SHROOM3: variants seen among roughly 807,000 people sequenced by gnomAD.
SHROOM3 encodes the protein shroom family member 3.
A neutral mutation model predicts 138.6 loss-of-function variants in SHROOM3; 47 were observed. That is an observed-to-expected ratio of 0.34 (90% CI 0.27 to 0.43). The LOEUF is 0.43. Among genes scored for constraint, SHROOM3 ranks in the 20% least tolerant of loss-of-function variants. The pLI is 1.00. For synonymous variants in SHROOM3, 1,062 were observed against 1,063.3 expected, an observed-to-expected ratio of 1.00 and a Z score of 0.02; for missense variants, 2,491 against 2,596.5, an observed-to-expected ratio of 0.96 and a Z score of 0.88.
chr4:76,725,433 C>T (rs1720674420), intron 3 of SHROOM3, among the ~76,000 whole-genome samples: 1 of 152,098 alleles, frequency 6.6e-6, no homozygotes, highest in African/African-American at 2.4e-5. Context: ...TAAAATATCT[C>T]TTTAAAATTT....
At chr4:76,580,460 T>C (rs1734026680) in intron 2 of SHROOM3, among the ~76,000 whole-genome samples, 3 of 150,022 alleles carry the variant, frequency 2.0e-5, no homozygotes, top group Admixed American at 2.0e-4. Flanking sequence ...TTTTTTTTTT[T>C]TTTTTTTTTG....
At chr4:76,496,895 A>G (rs1268304830) in intron 1 of SHROOM3, among the ~76,000 whole-genome samples, 1 of 152,202 alleles carries the variant, frequency 6.6e-6, no homozygotes, top group Non-Finnish European at 1.5e-5. Flanking sequence ...CTCTTATCAC[A>G]ATTATAATTA....
chr4:76,709,514 C>A (rs1267206002), intron 2 of SHROOM3, among the ~76,000 whole-genome samples: 1 of 151,998 alleles, frequency 6.6e-6, no homozygotes, highest in Admixed American at 6.6e-5. Context: ...TTTTCTCTGA[C>A]TCCCTGGGAG....
chr4:76,481,546 C>T (rs1429232694), intron 1 of SHROOM3, among the ~76,000 whole-genome samples: 2 of 151,824 alleles, frequency 1.3e-5, no homozygotes, highest in Non-Finnish European at 1.5e-5. Flanking sequence ...GATTCACAGC[C>T]GAATTCTACC....
chr4:76,741,136 T>C lies in SHROOM3; in HGVS notation c.2963T>C (p.Val988Ala). The part of the protein sequence containing the change: ...SPHTPRERHS[V>A]TPAEGDLARP... ...CACACGCCCCGGGAGCGGCACAGCG[T>C]GACCCCTGCTGAGGGCGACCTGGCC... Residue 988 changes from valine (V) to alanine (A), a missense_variant, in exon 5 of 11, where the codon GTG (valine) becomes GCG (alanine). By Grantham distance (64) the Val-to-Ala change is moderately conservative. Around this residue, in one of 4 missense-constraint regions of SHROOM3, gnomAD observed 1,733 missense variants for 1,661.6 expected, o/e 1.04. Coordinates refer to ENST00000296043, the MANE Select transcript of SHROOM3 (RefSeq NM_020859.4). The surrounding 1 kb of genome is among the most constrained non-coding windows in gnomAD (Gnocchi z 6.2). The C allele has an allele frequency of 6.4e-7, 1 of 1,559,474 alleles. No individual in the cohort carries two copies. The highest frequency in any genetic ancestry group is 1.2e-5 in the South Asian group (1 of 85,056).
In SHROOM3 at chr4:76,752,454, A is replaced by AT. The variant is rs1378973025; in HGVS notation, c.3828-1851dup. Among the ~76,000 whole-genome samples, 5 of 152,244 alleles carry AT rather than the reference A, an allele frequency of 3.3e-5. 1 individual carries two copies. The highest frequency in any genetic ancestry group is 2.0e-4 in the Admixed American group (3 of 15,296). On this transcript the variant is annotated intron_variant, in intron 6 of 10. Coordinates refer to ENST00000296043, the MANE Select transcript of SHROOM3 (RefSeq NM_020859.4). ...TTTTATGTTGTTTTTTCTAACCACA[A>AT]TTTTTTAAAAATGCTTTTTCTTTTT...
At chr4:76,584,567 T>C (rs1407208146) in intron 2 of SHROOM3, among the ~76,000 whole-genome samples, 1 of 152,148 alleles carries the variant, frequency 6.6e-6, no homozygotes, top group Non-Finnish European at 1.5e-5. Context: ...TGTTCTGGTC[T>C]TTTCAGGAAT....
At chr4:76,746,401 A>G (rs1428084455) in intron 5 of SHROOM3, among the ~76,000 whole-genome samples, 1 of 152,216 alleles carries the variant, frequency 6.6e-6, no homozygotes, top group Non-Finnish European at 1.5e-5. Flanking sequence ...ATACCATTGT[A>G]TTGCAACTGC....
At position 76,759,636 on chromosome 4, in the gene SHROOM3, A is replaced by C. The variant is rs144875766; in HGVS notation, c.5290A>C (p.Lys1764Gln). Residue 1764 changes from lysine to glutamine, a missense_variant, in exon 9 of 11, where the codon AAA (lysine) becomes CAA (glutamine). By Grantham distance (53) the Lys-to-Gln change is moderately conservative. Coordinates refer to ENST00000296043, the MANE Select transcript of SHROOM3 (RefSeq NM_020859.4). Reference protein sequence around the residue: ...APKAELLNKIKEMPAEVNEEE... With the variant: ...APKAELLNKIQEMPAEVNEEE... ...CAAGGCTGAGCTACTGAACAAAATC[A>C]AAGAGATGCCAGCAGAAGTGAATGA... The C allele has an allele frequency of 1.2e-6, 2 of 1,614,080 alleles. No homozygotes were observed. The highest frequency in any genetic ancestry group is 2.7e-5 in the African/African-American group (2 of 74,916).
chr4:76,623,741 C>T (rs1393252281), intron 2 of SHROOM3, among the ~76,000 whole-genome samples: 1 of 152,044 alleles, frequency 6.6e-6, no homozygotes, highest in East Asian at 1.9e-4. Flanking sequence ...TGTCTCTTTC[C>T]TATTTAGCTT....
At chr4:76,678,963 A>G (rs975650336) in intron 2 of SHROOM3, among the ~76,000 whole-genome samples, 2 of 152,108 alleles carry the variant, frequency 1.3e-5, no homozygotes, top group African/African-American at 4.8e-5. Flanking sequence ...CACCCAGCCG[A>G]GCAATTTTTT....
At chr4:76,454,252 C>T (rs1730983425) in intron 1 of SHROOM3, among the ~76,000 whole-genome samples, 1 of 152,156 alleles carries the variant, frequency 6.6e-6, no homozygotes, top group Admixed American at 6.5e-5. Flanking sequence ...CCATATTGGC[C>T]ACGCTGGTCT....
chr4:76,452,608 A>G (rs1224773222), intron 1 of SHROOM3, among the ~76,000 whole-genome samples: 3 of 152,238 alleles, frequency 2.0e-5, no homozygotes, highest in African/African-American at 7.2e-5. Flanking sequence ...TTGTATCTGT[A>G]TACCATATGT....
At chr4:76,478,292 G>A (rs1242013425) in intron 1 of SHROOM3, among the ~76,000 whole-genome samples, 1 of 152,166 alleles carries the variant, frequency 6.6e-6, no homozygotes, top group Non-Finnish European at 1.5e-5. Context: ...TTTGGTGGGG[G>A]GAGGGGCATC....
intron 2 of SHROOM3, among the ~76,000 whole-genome samples, chr4:76,635,794 G>A (rs144440318): frequency 8.5e-5 from 13 of 152,312 alleles, no homozygotes; most frequent in African/African-American, 2.6e-4. Context: ...CACTTGAGAT[G>A]TGAGGTCCTC....
intron 2 of SHROOM3, among the ~76,000 whole-genome samples, chr4:76,661,520 C>T (rs961159691): frequency 5.3e-5 from 8 of 152,318 alleles, no homozygotes; most frequent in African/African-American, 1.9e-4. Context: ...AGGCGTGAGA[C>T]ACTGCGCCTG....
At chr4:76,707,237 A>T (rs1341956657) in intron 2 of SHROOM3, among the ~76,000 whole-genome samples, 1 of 152,202 alleles carries the variant, frequency 6.6e-6, no homozygotes, top group Non-Finnish European at 1.5e-5. Flanking sequence ...CTGTGGCATA[A>T]ATTGAACATT....
intron 1 of SHROOM3, among the ~76,000 whole-genome samples, chr4:76,459,502 A>C (rs554276283): frequency 6.6e-6 from 1 of 152,192 alleles, no homozygotes; most frequent in East Asian, 1.9e-4. Flanking sequence ...GGAGCTTTTT[A>C]TTCAGTCTTC....
Position 76,762,502 on chromosome 4 carries a change from C to A in SHROOM3, c.5349+2807C>A, listed in dbSNP as rs184107836. ...GGATGATACCCACTTGCCCTGTGGG[C>A]TTATCTGGCTCTTCAGGGATAAAGA... On this transcript the variant is annotated intron_variant, in intron 9 of 10. Transcript: ENST00000296043. Among the ~76,000 whole-genome samples, 15 of 152,316 alleles carry A rather than the reference C, an allele frequency of 9.8e-5. No homozygotes were observed. The East Asian group carries it at 2.9e-3, about 29-fold the overall frequency.
Sources: allele counts gnomAD v4.1 joint callset (sites outside exome capture counted in the v4.1 genomes callset), GRCh38; gene constraint gnomAD v4.1.1; regional missense constraint gnomAD v4.1.1; non-coding constraint Gnocchi (gnomAD v3.1); transcripts MANE v1.5; gene names NCBI Gene and HGNC (gene_info 2026-07-23, HGNC 2026-07-21).